WDR41: variants seen among roughly 807,000 people sequenced by gnomAD.
The protein encoded by WDR41 is WD repeat domain 41.
In WDR41, 63 loss-of-function variants were observed where a neutral mutation model predicts 69.3. That is an observed-to-expected ratio of 0.91 (90% CI 0.74 to 1.12). The LOEUF is 1.12. Ranked by LOEUF, WDR41 falls within the 50% of genes most tolerant of loss-of-function variation. The pLI is 0.00. For missense variants in WDR41, 543 were observed against 534.5 expected, an observed-to-expected ratio of 1.02 and a Z score of -0.16; for synonymous variants, 185 against 192.1, an observed-to-expected ratio of 0.96 and a Z score of 0.31.
intron 1 of WDR41, among the ~76,000 whole-genome samples, chr5:77,560,114 A>G (rs750321373): frequency 6.6e-6 from 1 of 152,200 alleles, no homozygotes; most frequent in Non-Finnish European, 1.5e-5. Flanking sequence ...TTTAACTGTG[A>G]TTCATAAACC....
At chr5:77,550,216 T>C (rs920889344) in intron 1 of WDR41, among the ~76,000 whole-genome samples, 7 of 152,132 alleles carry the variant, frequency 4.6e-5, no homozygotes, top group African/African-American at 1.7e-4. Flanking sequence ...TCAAAAGTAA[T>C]TGCAGCATAA....
chr5:77,466,377 G>A (rs1800304690), intron 2 of WDR41, among the ~76,000 whole-genome samples: 1 of 151,726 alleles, frequency 6.6e-6, no homozygotes, highest in African/African-American at 2.4e-5. Flanking sequence ...ATGTTTCTGG[G>A]CCTATTGATT....
At chr5:77,591,595 A>G (rs1744138996) in intron 1 of WDR41, among the ~76,000 whole-genome samples, 1 of 152,024 alleles carries the variant, frequency 6.6e-6, no homozygotes, top group Non-Finnish European at 1.5e-5. Flanking sequence ...AGTCTGCTGT[A>G]TTTTTATTAT....
chr5:77,607,547 C>T (rs1333847131), intron 1 of WDR41, among the ~76,000 whole-genome samples: 1 of 152,216 alleles, frequency 6.6e-6, no homozygotes, highest in Admixed American at 6.5e-5. Context: ...CTTGAGTAAA[C>T]ACAACCTCTG....
At chr5:77,593,753 G>A (rs1744172041) in intron 1 of WDR41, among the ~76,000 whole-genome samples, 1 of 152,036 alleles carries the variant, frequency 6.6e-6, no homozygotes, top group South Asian at 2.1e-4. Context: ...GATGGAGCAA[G>A]GCCTAGAATA....
intron 1 of WDR41, among the ~76,000 whole-genome samples, chr5:77,497,451 A>T (rs1221247261): frequency 1.3e-5 from 2 of 152,188 alleles, no homozygotes; most frequent in African/African-American, 2.4e-5. Flanking sequence ...TTGAGTAGAC[A>T]TTTCTCCAAG....
At chr5:77,524,763 G>C (rs925363382) in intron 1 of WDR41, among the ~76,000 whole-genome samples, 7 of 152,284 alleles carry the variant, frequency 4.6e-5, no homozygotes, top group Admixed American at 2.6e-4. Context: ...CATCCTCACA[G>C]GTTATCTCAA....
At chr5:77,593,858 A>G (rs1744173102) in intron 1 of WDR41, among the ~76,000 whole-genome samples, 2 of 152,166 alleles carry the variant, frequency 1.3e-5, no homozygotes, top group Non-Finnish European at 2.9e-5. Flanking sequence ...GCTAATTGGC[A>G]TTCAAACAGA....
chr5:77,434,693 T>C (rs775397450), intron 12 of WDR41, among the ~76,000 whole-genome samples: 3 of 151,814 alleles, frequency 2.0e-5, no homozygotes, highest in Non-Finnish European at 4.4e-5. Context: ...TGAGATGCTG[T>C]CTCAAAGAAA....
Position 77,437,196 on chromosome 5 carries a change from AT to A in WDR41, c.1093+139del. 4.3e-6 allele frequency: 3 copies of A among 704,172 alleles called. No individual in the cohort carries two copies. The African/African-American group carries it at 5.3e-5, about 12-fold the overall frequency. The allele number at this position is 704,172 out of a possible 1,614,324, so 43.6% of individuals were successfully genotyped here. ...CTGTAAATCCTAGATCTCAATTACC[AT>A]ATGCTTTCTATAAACATCTGATGCC... On this transcript the variant is annotated intron_variant, in intron 11 of 12. Transcript: ENST00000296679.
At chr5:77,502,936 T>G (rs1038999586) in intron 1 of WDR41, among the ~76,000 whole-genome samples, 1 of 152,062 alleles carries the variant, frequency 6.6e-6, no homozygotes, top group Non-Finnish European at 1.5e-5. Flanking sequence ...AGACCATCAA[T>G]GCTATGAAGA....
intron 9 of WDR41, among the ~76,000 whole-genome samples, chr5:77,440,521 A>G (rs576702267): frequency 9.2e-5 from 14 of 152,340 alleles, no homozygotes; most frequent in African/African-American, 3.1e-4. Flanking sequence ...AGTGTTTCTT[A>G]AAACAATTTT....
At chr5:77,559,872 G>A (rs1743489877) in intron 1 of WDR41, among the ~76,000 whole-genome samples, 1 of 152,032 alleles carries the variant, frequency 6.6e-6, no homozygotes, top group African/African-American at 2.4e-5. Context: ...CCAGATCAGA[G>A]AGAACAAAGC....
chr5:77,492,424 G>T, upstream of WDR41: 1 of 587,954 alleles, frequency 1.7e-6, no homozygotes, highest in South Asian at 2.8e-5. Flanking sequence ...CAGCCACGGA[G>T]GCTTAGTTTG....
At chr5:77,475,403 G>A (rs1015730649) in intron 2 of WDR41, among the ~76,000 whole-genome samples, 11 of 152,234 alleles carry the variant, frequency 7.2e-5, no homozygotes, top group African/African-American at 1.9e-4. Context: ...AGTAACCTCT[G>A]CAGACTTAAA....
intron 2 of WDR41, among the ~76,000 whole-genome samples, chr5:77,465,311 A>AT (rs978670193): frequency 1.3e-5 from 2 of 152,054 alleles, no homozygotes; most frequent in African/African-American, 4.8e-5. Context: ...AGATTTGAGG[A>AT]TTTTTTAGGG....
chr5:77,617,584 A>G (rs985870117), intron 1 of WDR41, among the ~76,000 whole-genome samples: 1 of 152,252 alleles, frequency 6.6e-6, no homozygotes, highest in African/African-American at 2.4e-5. Flanking sequence ...AACTAGGCAT[A>G]TGAAGATATA....
At chr5:77,612,537 A>C (rs965597043) in intron 1 of WDR41, among the ~76,000 whole-genome samples, 12 of 152,382 alleles carry the variant, frequency 7.9e-5, no homozygotes, top group Non-Finnish European at 1.6e-4. Context: ...AACCAAAGAC[A>C]AAAACCACAT....
chr5:77,444,288 AT>A (rs1191810271), intron 8 of WDR41, among the ~76,000 whole-genome samples: 1 of 152,166 alleles, frequency 6.6e-6, no homozygotes, highest in Non-Finnish European at 1.5e-5. Flanking sequence ...TAGTGGATGG[AT>A]TTTCATCCTG....
Sources: allele counts gnomAD v4.1 joint callset (sites outside exome capture counted in the v4.1 genomes callset), GRCh38; gene constraint gnomAD v4.1.1; transcripts MANE v1.5; gene names NCBI Gene and HGNC (gene_info 2026-07-23, HGNC 2026-07-21).